HERC3: variants seen among roughly 807,000 people sequenced by gnomAD.
HERC3 encodes the protein probable E3 ubiquitin-protein ligase HERC3.
HERC3 carries 58 observed loss-of-function variants against 129.9 expected under a neutral mutation model. That is an observed-to-expected ratio of 0.45 (90% CI 0.36 to 0.56). HERC3 has a LOEUF of 0.56. Among genes scored for constraint, HERC3 ranks in the 20% least tolerant of loss-of-function variants. HERC3 has a pLI of 0.00. For synonymous variants in HERC3, 430 were observed against 451.0 expected (o/e 0.95, Z 0.59); for missense variants, 835 against 1,244.2 (o/e 0.67, Z 4.95).
At chr4:88,702,892 C>A (rs960636606) in intron 23 of HERC3, among the ~76,000 whole-genome samples, 6 of 152,178 alleles carry the variant, frequency 3.9e-5, no homozygotes, top group African/African-American at 1.2e-4. Context: ...TGGACAATGG[C>A]CAGGCCATAT....
chr4:88,575,928 T>C, the HERC3 span, among the ~76,000 whole-genome samples: 24,837 of 152,126 alleles, frequency 0.16, 2,170 homozygotes, highest in East Asian at 0.21. Flanking sequence ...AAATTAAACA[T>C]AGATACTCCC....
At chr4:88,598,112 A>G (rs2149174821) in intron 2 of HERC3, 1 of 152,294 alleles carries the variant, frequency 6.6e-6, no homozygotes, top group South Asian at 2.1e-4. Context: ...GCTTACTTGA[A>G]AGGAAGCTTA....
chr4:88,648,330 T>C (rs1728916874), intron 3 of HERC3, among the ~76,000 whole-genome samples: 1 of 152,224 alleles, frequency 6.6e-6, no homozygotes, highest in Admixed American at 6.5e-5. Context: ...TCCTGAGTTC[T>C]TTGTTTTGGA....
chr4:88,609,924 A>T (rs1462013928), intron 3 of HERC3, among the ~76,000 whole-genome samples: 1 of 152,158 alleles, frequency 6.6e-6, no homozygotes, highest in Non-Finnish European at 1.5e-5. Flanking sequence ...CAAGGTGTGG[A>T]TTATTCATGC....
intron 3 of HERC3, among the ~76,000 whole-genome samples, chr4:88,630,328 T>C (rs935800094): frequency 6.6e-6 from 1 of 152,356 alleles, no homozygotes; most frequent in South Asian, 2.1e-4. Context: ...ATATGAATTA[T>C]AGCACTGGAA....
chr4:88,680,646 G>A (rs570224984), intron 20 of HERC3, among the ~76,000 whole-genome samples: 21 of 152,318 alleles, frequency 1.4e-4, no homozygotes, highest in African/African-American at 4.6e-4. Context: ...TTTTAAAGGC[G>A]TTCTAATTTC....
chr4:88,682,832 A>G (rs948880963), intron 21 of HERC3, among the ~76,000 whole-genome samples: 1 of 151,942 alleles, frequency 6.6e-6, no homozygotes, highest in East Asian at 1.9e-4. Flanking sequence ...CTTTGGGTAT[A>G]TACCCAGTAA....
At chr4:88,682,150 G>A (rs4260503) in intron 21 of HERC3, among the ~76,000 whole-genome samples, 12,642 of 152,134 alleles carry the variant, frequency 0.083, 754 homozygotes, top group South Asian at 0.23. Context: ...GAATAATACT[G>A]CCATGAACAT....
rs575445178 is a variant in HERC3 at position 88,602,164 on chromosome 4, G to T, written c.-29-3631G>T. Among the ~76,000 whole-genome samples the T allele has an allele frequency of 8.6e-5, 13 of 152,044 alleles. No individual in the cohort carries two copies. The East Asian group carries it at 2.5e-3, about 30-fold the overall frequency. ...ACCTGTGATCCAAGCACTTTGGGAG[G>T]CCAAGGCGGGCTAATTACTTGAGGT... On this transcript the variant is annotated intron_variant, in intron 2 of 25. Transcript: ENST00000402738.
chr4:88,633,456 A>G (rs28502598), intron 3 of HERC3, among the ~76,000 whole-genome samples: 7,079 of 152,282 alleles, frequency 0.046, 211 homozygotes, highest in Middle Eastern at 0.12. Context: ...TATATTTTGC[A>G]TTGTAAAAAT....
chr4:88,555,647 T>C, the HERC3 span, among the ~76,000 whole-genome samples: 10 of 152,252 alleles, frequency 6.6e-5, no homozygotes, highest in African/African-American at 2.4e-4. Flanking sequence ...GCATATTCTA[T>C]TGAAATATTT....
rs930197687 is a variant in HERC3, at chr4:88,693,794, A to G, written c.2657+6495A>G. On this transcript the variant is annotated intron_variant, in intron 23 of 25. Transcript: ENST00000402738. ...TGCGTAATACTCAGAGAGTTGGTTG[A>G]GTGTGTATTGCATGCTTCCTTTCTT... 3 of 512,046 alleles carry G rather than the reference A, an allele frequency of 5.9e-6. No homozygotes were observed. The African/African-American group carries it at 6.2e-5, about 11-fold the overall frequency. 31.7% of individuals were successfully genotyped at this position (512,046 alleles called of 1,614,324 possible). A position where few individuals can be genotyped will look rare whatever the true frequency, so the allele number is the denominator to read the frequency against.
chr4:88,670,476 C>G (rs1417234572), intron 16 of HERC3, among the ~76,000 whole-genome samples: 1 of 151,820 alleles, frequency 6.6e-6, no homozygotes, highest in Non-Finnish European at 1.5e-5. Context: ...ATCAGTTGCC[C>G]CCTTTAAAAA....
In HERC3 at chr4:88,657,068, A is replaced by G. The variant is rs1328316753; in HGVS notation, c.1069+1033A>G. ...GGAAATCAAAGTCAGGCAGTCATTA[A>G]TATTGAATGACTGCTTCACCTTGAA... On this transcript the variant is annotated intron_variant, in intron 9 of 25. Transcript: ENST00000402738. 3.9e-5 allele frequency: 6 copies of G among 152,212 alleles called. No individual in the cohort carries two copies. In the East Asian group the frequency reaches 1.2e-3, roughly 29 times the overall value. 9.4% of individuals were successfully genotyped at this position (152,212 alleles called of 1,614,324 possible). A position where few individuals can be genotyped will look rare whatever the true frequency, so the allele number is the denominator to read the frequency against.
chr4:88,615,935 C>CA (rs1246372259), intron 3 of HERC3, among the ~76,000 whole-genome samples: 2 of 152,118 alleles, frequency 1.3e-5, no homozygotes, highest in Non-Finnish European at 2.9e-5. Flanking sequence ...TTTTATCCTG[C>CA]TATTCCAGCA....
chr4:88,652,972 G>T lies in HERC3; in HGVS notation c.567G>T (p.Gly189=), dbSNP rs1160751379. Residue 189 remains glycine, a synonymous_variant, in exon 6 of 26, where the codon GGG becomes GGT. Coordinates refer to ENST00000402738, the MANE Select transcript of HERC3 (RefSeq NM_014606.3). ...CACAGAGGGTGAGGTCCCTGGAGGGGATCCCACTGGCTCAGGTGGCTGCCG... is the reference window on the plus strand; with the variant it reads ...CACAGAGGGTGAGGTCCCTGGAGGGTATCCCACTGGCTCAGGTGGCTGCCG... ...ASPQRVRSLE[G]IPLAQVAAGG... 2 of 1,614,098 alleles carry T rather than the reference G, an allele frequency of 1.2e-6. No individual in the cohort carries two copies. Among genetic ancestry groups the T allele is most frequent in the Admixed American group, 1.7e-5 (1 of 60,002 alleles).
chr4:88,596,826 A>G (rs1003544499), intron 2 of HERC3, among the ~76,000 whole-genome samples: 1 of 152,120 alleles, frequency 6.6e-6, no homozygotes, highest in African/African-American at 2.4e-5. Flanking sequence ...ATTACCCGCT[A>G]TTTTGTGTTT....
chr4:88,533,308 T>G, the HERC3 span, among the ~76,000 whole-genome samples: 1 of 152,196 alleles, frequency 6.6e-6, no homozygotes, highest in Non-Finnish European at 1.5e-5. Flanking sequence ...AGGATGAGTC[T>G]GCGTCTCCCA....
the HERC3 span, among the ~76,000 whole-genome samples, chr4:88,563,397 T>G: frequency 7.9e-5 from 12 of 152,334 alleles, no homozygotes; most frequent in South Asian, 1.0e-3. Flanking sequence ...TGATAGTTTT[T>G]TGGTGGAGTC....
Sources: gnomAD v4.1 joint callset for allele counts (sites outside exome capture counted in the v4.1 genomes callset) on GRCh38, gnomAD v4.1.1 for gene constraint, MANE v1.5 for transcripts, NCBI Gene and HGNC (gene_info 2026-07-23, HGNC 2026-07-21) for gene names.